Variants in NIPAL2 observed in about 807,000 individuals in gnomAD.
NIPAL2 encodes the protein NIPA-like protein 2.
NIPAL2 carries 43 observed loss-of-function variants against 48.9 expected under a neutral mutation model. The ratio of observed to expected loss-of-function variants is 0.88; its 90% CI spans 0.69 to 1.13. NIPAL2 has a LOEUF of 1.13. NIPAL2 is among the 50% of genes most tolerant of loss of function. The probability of loss-of-function intolerance (pLI) is 0.00; values close to 1 mark genes in which losing one functional copy is unlikely to be tolerated. For synonymous variants in NIPAL2, 167 were observed against 174.6 expected (o/e 0.96, Z 0.34); for missense variants, 446 against 461.4 (o/e 0.97, Z 0.31).
chr8:98,197,072 C>G (rs1346925843), intron 8 of NIPAL2, among the ~76,000 whole-genome samples: 1 of 149,224 alleles, frequency 6.7e-6, no homozygotes, highest in Non-Finnish European at 1.5e-5. Flanking sequence ...GGTTCTACAT[C>G]TTTTTTCTCT....
At position 98,262,551 on chromosome 8, in the gene NIPAL2, A is replaced by C. The variant is rs1458380020; in HGVS notation, c.136-8464T>G. 1.7e-3 allele frequency among the ~76,000 whole-genome samples: 256 copies of C among 151,306 alleles called. 1 individual carries two copies. Among genetic ancestry groups the C allele is most frequent in the African/African-American group, 5.9e-3 (244 of 41,362 alleles). On this transcript the variant is annotated intron_variant, in intron 1 of 10. Coordinates refer to ENST00000430223, the MANE Select transcript of NIPAL2 (RefSeq NM_001321635.2). ...CAAAGAAGGCCATTACATAATGGTA[A>C]AGGGATCAATTCAACAAGAAGAGCT...
At chr8:98,195,256 T>C (rs1350791613) in intron 9 of NIPAL2, among the ~76,000 whole-genome samples, 2 of 152,190 alleles carry the variant, frequency 1.3e-5, no homozygotes, top group South Asian at 2.1e-4. Flanking sequence ...TCTTATGAAA[T>C]TGAATTTTCA....
intron 5 of NIPAL2, among the ~76,000 whole-genome samples, chr8:98,219,800 G>A (rs1027740367): frequency 2.0e-5 from 3 of 151,994 alleles, no homozygotes; most frequent in Admixed American, 6.6e-5. Context: ...AAATCTGACC[G>A]GTGAGCCCCC....
intron 8 of NIPAL2, among the ~76,000 whole-genome samples, chr8:98,198,491 T>C (rs1051452351): frequency 6.6e-6 from 1 of 152,248 alleles, no homozygotes; most frequent in Non-Finnish European, 1.5e-5. Context: ...CATTTACTTC[T>C]CCTCTTTAGC....
intron 7 of NIPAL2, 131 bp downstream of exon 7, chr8:98,204,980 A>C: frequency 2.1e-6 from 2 of 957,626 alleles, no homozygotes; most frequent in Non-Finnish European, 1.6e-6. Context: ...GGCTGAGGAC[A>C]AGCTACAGGC....
chr8:98,206,992 A>G (rs1166929896), intron 6 of NIPAL2, among the ~76,000 whole-genome samples: 1 of 152,146 alleles, frequency 6.6e-6, no homozygotes, highest in African/African-American at 2.4e-5. Flanking sequence ...ATCTATAGAG[A>G]TCTGTGTGTC....
intron 4 of NIPAL2, among the ~76,000 whole-genome samples, chr8:98,235,799 T>C (rs1563510721): frequency 6.6e-6 from 1 of 151,708 alleles, no homozygotes; most frequent in Non-Finnish European, 1.5e-5. Context: ...TTTAATGGGT[T>C]ATTATAATAA....
intron 6 of NIPAL2, among the ~76,000 whole-genome samples, chr8:98,208,375 T>G (rs1035653001): frequency 3.9e-5 from 6 of 152,218 alleles, no homozygotes. Flanking sequence ...AATTTGTCTC[T>G]GATAACCAAA....
intron 1 of NIPAL2, among the ~76,000 whole-genome samples, chr8:98,282,284 T>C (rs2130904472): frequency 6.6e-6 from 1 of 152,196 alleles, no homozygotes; most frequent in South Asian, 2.1e-4. Context: ...AGATGTTCTG[T>C]GCCACGGATC....
chr8:98,238,309 A>G (rs187741479), intron 3 of NIPAL2, among the ~76,000 whole-genome samples: 110 of 152,360 alleles, frequency 7.2e-4, no homozygotes, highest in African/African-American at 2.6e-3. Flanking sequence ...TCATAAAATA[A>G]TATCATCCTG....
At position 98,240,638 on chromosome 8, in the gene NIPAL2, T is replaced by C. The variant is rs145303178; in HGVS notation, c.377-4424A>G. On this transcript the variant is annotated intron_variant, in intron 3 of 10. Transcript: ENST00000430223. The stretch of plus-strand genomic sequence containing the variant: ...TCTGAGCTGAGCTGTCTTCAACTCA[T>C]CCTTACTTCATTATTCTTAAGGAAA... Among the ~76,000 whole-genome samples the C allele has an allele frequency of 2.8e-3, 431 of 152,316 alleles. 1 individual carries two copies. The highest frequency in any genetic ancestry group is 9.8e-3 in the African/African-American group (407 of 41,562).
intron 1 of NIPAL2, among the ~76,000 whole-genome samples, chr8:98,268,251 T>G (rs562207322): frequency 6.0e-4 from 92 of 152,306 alleles, no homozygotes; most frequent in Admixed American, 1.2e-3. Flanking sequence ...GCATTTTTTT[T>G]GGTAATATAT....
chr8:98,239,585 T>C (rs953594522), intron 3 of NIPAL2, among the ~76,000 whole-genome samples: 3 of 152,196 alleles, frequency 2.0e-5, no homozygotes, highest in Non-Finnish European at 4.4e-5. Flanking sequence ...TTATGAAACA[T>C]AAATATGCTA....
chr8:98,217,465 A>T (rs1811634433), intron 5 of NIPAL2, among the ~76,000 whole-genome samples: 1 of 152,242 alleles, frequency 6.6e-6, no homozygotes, highest in Non-Finnish European at 1.5e-5. Context: ...TAATACATAG[A>T]GTTAGATGAA....
Position 98,253,955 on chromosome 8 carries a change from C to T in NIPAL2, c.204+64G>A, listed in dbSNP as rs976260810. ...CACAAAGACAAAAGTGCCCAATGCC[C>T]ATGAGAGTCATAATGTGTCCCTGGA... is the stretch of plus-strand genomic sequence containing the variant. On this transcript the variant is annotated intron_variant, in intron 2 of 10. Coordinates refer to ENST00000430223, the MANE Select transcript of NIPAL2 (RefSeq NM_001321635.2). The T allele has an allele frequency of 1.0e-5, 11 of 1,082,770 alleles. No individual in the cohort carries two copies. In the African/African-American group the frequency reaches 1.6e-4, roughly 16 times the overall value. The allele number at this position is 1,082,770 out of a possible 1,614,324, so 67.1% of individuals were successfully genotyped here. A position where few individuals can be genotyped will look rare whatever the true frequency, so the allele number is the denominator to read the frequency against.
chr8:98,269,000 CT>C (rs1586452117), intron 1 of NIPAL2, among the ~76,000 whole-genome samples: 1 of 152,200 alleles, frequency 6.6e-6, no homozygotes, highest in East Asian at 1.9e-4. Flanking sequence ...AAACCCCTTT[CT>C]TTGCTCATCG....
intron 1 of NIPAL2, among the ~76,000 whole-genome samples, chr8:98,275,620 A>G (rs1815414267): frequency 6.6e-6 from 1 of 152,210 alleles, no homozygotes; most frequent in Admixed American, 6.5e-5. Context: ...AATGCCCGAA[A>G]GTGTAATTGC....
At chr8:98,205,989 C>A (rs1811015388) in intron 6 of NIPAL2, among the ~76,000 whole-genome samples, 1 of 152,130 alleles carries the variant, frequency 6.6e-6, no homozygotes, top group Non-Finnish European at 1.5e-5. Context: ...TTCGTAGGTT[C>A]CAAACAGCAA....
At position 98,192,808 on chromosome 8, in the gene NIPAL2, C is replaced by G. The variant is rs771987990; in HGVS notation, c.*170G>C. On this transcript the variant is annotated 3_prime_UTR_variant, in exon 11 of 11. Transcript: ENST00000430223. ...ACATTCCATGGAAATATTAGACTGT[C>G]AGAGCTTAGGAAGTCCCCGATTGTC... The G allele has an allele frequency of 9.7e-5, 59 of 609,156 alleles. No homozygotes were observed. The highest frequency in any genetic ancestry group is 1.5e-4 in the Non-Finnish European group (53 of 342,040). The allele number at this position is 609,156 out of a possible 1,614,324, so 37.7% of individuals were successfully genotyped here. A position where few individuals can be genotyped will look rare whatever the true frequency, so the allele number is the denominator to read the frequency against.
Sources: allele counts gnomAD v4.1 joint callset (sites outside exome capture counted in the v4.1 genomes callset), GRCh38; gene constraint gnomAD v4.1.1; transcripts MANE v1.5; gene names NCBI Gene and HGNC (gene_info 2026-07-23, HGNC 2026-07-21).